CFAP20DC: variants seen among roughly 807,000 people sequenced by gnomAD.
CFAP20DC encodes the protein CFAP20 domain containing.
Under a neutral mutation model 101.7 loss-of-function variants are expected in CFAP20DC, and 84 were observed. That is an observed-to-expected ratio of 0.83 (90% CI 0.69 to 0.99). CFAP20DC has a LOEUF of 0.99. Among genes scored for constraint, CFAP20DC ranks in the 50% least tolerant of loss-of-function variants. The pLI is 0.00. For missense variants in CFAP20DC, 1,007 were observed against 970.3 expected (o/e 1.04, Z -0.50); for synonymous variants, 359 against 351.2 (o/e 1.02, Z -0.25).
At chr3:58,842,784 C>A (rs1189017458) in intron 13 of CFAP20DC, among the ~76,000 whole-genome samples, 1 of 152,224 alleles carries the variant, frequency 6.6e-6, no homozygotes, top group African/African-American at 2.4e-5. Context: ...TTTGAAGGAG[C>A]AGTGGTTCTC....
chr3:58,929,977 T>C (rs1214344675), intron 5 of CFAP20DC, among the ~76,000 whole-genome samples: 1 of 152,120 alleles, frequency 6.6e-6, no homozygotes, highest in African/African-American at 2.4e-5. Flanking sequence ...CTACCCTTAA[T>C]GCTGCTTGTT....
At chr3:58,852,803 C>T (rs1559708428) in intron 12 of CFAP20DC, among the ~76,000 whole-genome samples, 1 of 150,910 alleles carries the variant, frequency 6.6e-6, no homozygotes, top group Non-Finnish European at 1.5e-5. Context: ...AAAGACACAA[C>T]ATACCAGAAT....
chr3:58,845,603 T>A (rs1377689458), intron 13 of CFAP20DC, among the ~76,000 whole-genome samples: 3 of 152,218 alleles, frequency 2.0e-5, no homozygotes, highest in South Asian at 2.1e-4. Context: ...AACTGGTACC[T>A]TTCCTTCTGA....
chr3:58,941,101 C>T (rs986641712), intron 4 of CFAP20DC, among the ~76,000 whole-genome samples: 3 of 151,866 alleles, frequency 2.0e-5, no homozygotes, highest in Non-Finnish European at 2.9e-5. Context: ...GAGGCTGAGG[C>T]GGGTGGATCA....
In CFAP20DC at chr3:59,041,117, A is replaced by C. The variant is rs867729698; in HGVS notation, c.206-1488T>G. 3.9e-5 allele frequency among the ~76,000 whole-genome samples: 6 copies of C among 152,150 alleles called. No individual in the cohort carries two copies. The Middle Eastern group carries it at 0.014, about 345-fold the overall frequency. On this transcript the variant is annotated intron_variant, in intron 3 of 16. Coordinates refer to ENST00000482387, the MANE Select transcript of CFAP20DC (RefSeq NM_001394063.1). ...ATCTTGCATTGATTGGCCCCACAGT[A>C]TTTTTCCATTGCACAATGGCCTCTG...
At chr3:58,968,473 CT>C (rs1666659157) in intron 4 of CFAP20DC, among the ~76,000 whole-genome samples, 2 of 152,202 alleles carry the variant, frequency 1.3e-5, no homozygotes, top group South Asian at 4.2e-4. Flanking sequence ...TGATATTGAG[CT>C]TTTTTTCATA....
At chr3:58,807,910 G>C (rs887626848) in intron 14 of CFAP20DC, among the ~76,000 whole-genome samples, 1 of 152,230 alleles carries the variant, frequency 6.6e-6, no homozygotes, top group African/African-American at 2.4e-5. Flanking sequence ...AGAACTACGT[G>C]AAGAATGTAG....
intron 5 of CFAP20DC, among the ~76,000 whole-genome samples, chr3:58,934,301 G>A (rs1460815363): frequency 6.6e-6 from 1 of 152,152 alleles, no homozygotes; most frequent in Non-Finnish European, 1.5e-5. Flanking sequence ...ACGAAAAAGA[G>A]TCCAGGACCA....
rs59003661 is a variant in CFAP20DC, at chr3:58,927,481, T to C, written c.393+10167A>G. Among the ~76,000 whole-genome samples the C allele has an allele frequency of 2.7e-3, 408 of 152,308 alleles. 1 individual carries two copies. The highest frequency in any genetic ancestry group is 9.2e-3 in the African/African-American group (384 of 41,564). Reference sequence around the variant, plus strand: ...AGAGGATTCAACTTTACAGAAGAGCTTGCAGCTTCTTAGAAGTGTGCCATT... The same window carrying C: ...AGAGGATTCAACTTTACAGAAGAGCCTGCAGCTTCTTAGAAGTGTGCCATT... On this transcript the variant is annotated intron_variant, in intron 5 of 16. Coordinates refer to ENST00000482387, the MANE Select transcript of CFAP20DC (RefSeq NM_001394063.1).
Position 58,869,247 on chromosome 3 carries a change from T to A in CFAP20DC, c.1015+81A>T, listed in dbSNP as rs1031624011. On this transcript the variant is annotated intron_variant, in intron 9 of 16. Transcript: ENST00000482387. This position sits in a 1 kb window ranked among gnomAD's most constrained non-coding sequence, Gnocchi z 4.3. ...TCTAGACTTAAGATCTAGACTTGAATATAACTGCTGATTTATCTTAACAAG... is the reference window on the plus strand; with the variant it reads ...TCTAGACTTAAGATCTAGACTTGAAAATAACTGCTGATTTATCTTAACAAG... The A allele has an allele frequency of 7.0e-6, 8 of 1,149,566 alleles. No homozygotes were observed. The highest frequency in any genetic ancestry group is 9.8e-6 in the Non-Finnish European group (8 of 815,034). The allele number at this position is 1,149,566 out of a possible 1,614,324, so 71.2% of individuals were successfully genotyped here. A position where few individuals can be genotyped will look rare whatever the true frequency, so the allele number is the denominator to read the frequency against.
chr3:58,826,377 G>A (rs895649365), intron 14 of CFAP20DC, among the ~76,000 whole-genome samples: 7 of 152,138 alleles, frequency 4.6e-5, no homozygotes, highest in African/African-American at 1.7e-4. Flanking sequence ...AGGTACACAT[G>A]TGTCATGGTG....
At chr3:58,927,783 T>C (rs1017666411) in intron 5 of CFAP20DC, among the ~76,000 whole-genome samples, 7 of 152,140 alleles carry the variant, frequency 4.6e-5, no homozygotes, top group African/African-American at 1.7e-4. Flanking sequence ...AGAGATGGCA[T>C]CTTGAATGGG....
At chr3:59,042,062 G>A (rs910351637) in intron 3 of CFAP20DC, among the ~76,000 whole-genome samples, 2 of 152,202 alleles carry the variant, frequency 1.3e-5, no homozygotes, top group South Asian at 4.1e-4. Context: ...GGTCCTTGCA[G>A]GAGAAGAGGA....
Position 58,864,120 on chromosome 3 carries a change from G to A in CFAP20DC, c.1259-228C>T, listed in dbSNP as rs923640595. Among the ~76,000 whole-genome samples, 17 of 151,850 alleles carry A rather than the reference G, an allele frequency of 1.1e-4. No individual in the cohort carries two copies. Among genetic ancestry groups the A allele is most frequent in the South Asian group, 6.2e-4 (3 of 4,814 alleles). On this transcript the variant is annotated intron_variant, in intron 11 of 16. Coordinates refer to ENST00000482387, the MANE Select transcript of CFAP20DC (RefSeq NM_001394063.1). The surrounding 1 kb of genome is among the most constrained non-coding windows in gnomAD (Gnocchi z 4.7). ...ATTACAGGTGCACGCCATCATGCCC[G>A]GCTAATTTTTGTATTTTTAGTAGAG... is the stretch of plus-strand genomic sequence containing the variant.
intron 14 of CFAP20DC, among the ~76,000 whole-genome samples, chr3:58,818,956 G>T (rs1477933915): frequency 6.7e-6 from 1 of 149,644 alleles, no homozygotes; most frequent in Non-Finnish European, 1.5e-5. Flanking sequence ...AGACCACAGT[G>T]CAATCAAACT....
At chr3:58,752,688 A>AG (rs2068657189) in intron 16 of CFAP20DC, among the ~76,000 whole-genome samples, 1 of 152,140 alleles carries the variant, frequency 6.6e-6, no homozygotes, top group Non-Finnish European at 1.5e-5. Context: ...TCCCAATTTG[A>AG]GGGGCATAAT....
intron 15 of CFAP20DC, among the ~76,000 whole-genome samples, chr3:58,767,586 G>A (rs948706535): frequency 1.3e-5 from 2 of 152,136 alleles, no homozygotes; most frequent in African/African-American, 4.8e-5. Flanking sequence ...TAGAGACAGG[G>A]TCTTGCTATG....
chr3:58,862,589 C>G lies in CFAP20DC; in HGVS notation c.1593+969G>C, dbSNP rs1035602397. ...CCCAGAATTACTGCTTAAACAATCCCACTATATTCTCAACTGCCTCCGAAG... is the reference window on the plus strand; with the variant it reads ...CCCAGAATTACTGCTTAAACAATCCGACTATATTCTCAACTGCCTCCGAAG... On this transcript the variant is annotated intron_variant, in intron 12 of 16. Transcript: ENST00000482387. 8.1e-6 allele frequency: 8 copies of G among 985,408 alleles called. No homozygotes were observed. The African/African-American group carries it at 1.4e-4, about 17-fold the overall frequency. 61.0% of individuals were successfully genotyped at this position (985,408 alleles called of 1,614,324 possible).
intron 15 of CFAP20DC, among the ~76,000 whole-genome samples, chr3:58,801,309 A>G (rs1310498465): frequency 6.6e-6 from 1 of 152,246 alleles, no homozygotes; most frequent in African/African-American, 2.4e-5. Context: ...CTTTGGTTTC[A>G]TAATCAAATC....
Sources: gnomAD v4.1 joint callset for allele counts (sites outside exome capture counted in the v4.1 genomes callset) on GRCh38, gnomAD v4.1.1 for gene constraint, Gnocchi (gnomAD v3.1) non-coding constraint, MANE v1.5 for transcripts, NCBI Gene and HGNC (gene_info 2026-07-23, HGNC 2026-07-21) for gene names.